Variants in UBE4B observed in about 807,000 individuals in gnomAD.
UBE4B encodes ubiquitin conjugation factor E4 B.
In UBE4B, 27 loss-of-function variants were observed where a neutral mutation model predicts 148.1. The ratio of observed to expected loss-of-function variants is 0.18; its 90% confidence interval spans 0.13 to 0.25. The LOEUF (loss-of-function observed/expected upper bound fraction) is 0.25. UBE4B is among the 10% of genes least tolerant of loss of function. UBE4B has a pLI of 1.00. For missense variants in UBE4B, 1,170 were observed against 1,662.4 expected (o/e 0.70, Z 5.15); for synonymous variants, 596 against 619.3 (o/e 0.96, Z 0.56).
intron 26 of UBE4B, 194 bp from the exon 27 acceptor site, chr1:10,179,222 A>G (rs780148278): frequency 9.5e-6 from 6 of 630,898 alleles, no homozygotes; most frequent in Non-Finnish European, 1.6e-5. Context: ...CTGACAAAGA[A>G]GCGCCTTCCC....
At chr1:10,035,109 C>G (rs1332716235) in intron 1 of UBE4B, among the ~76,000 whole-genome samples, 2 of 151,778 alleles carry the variant, frequency 1.3e-5, no homozygotes, top group Non-Finnish European at 2.9e-5. Flanking sequence ...CACCATTCTC[C>G]TGCCTCAGCC....
chr1:10,081,085 G>A (rs1235723650), intron 2 of UBE4B, among the ~76,000 whole-genome samples: 3 of 152,016 alleles, frequency 2.0e-5, no homozygotes, highest in Non-Finnish European at 1.5e-5. Flanking sequence ...TTATTGAGAC[G>A]AAGTTTCGCT....
chr1:10,033,469 G>T lies in UBE4B; in HGVS notation c.-202G>T. 1 of 443,164 alleles carries T rather than the reference G, an allele frequency of 2.3e-6. No homozygotes were observed. Among genetic ancestry groups the T allele is most frequent in the East Asian group, 3.6e-5 (1 of 27,816 alleles). The allele number at this position is 443,164 out of a possible 1,614,324, so 27.5% of individuals were successfully genotyped here. A position where few individuals can be genotyped will look rare whatever the true frequency, so the allele number is the denominator to read the frequency against. ...GAACAAGCGGCTGTAGTAGTCTGTG[G>T]GGCGACTGGAGTGACCGAAGCCAAG... On this transcript the variant is annotated 5_prime_UTR_variant, in exon 1 of 28. Transcript: ENST00000343090.
At chr1:10,176,455 C>A (rs529768219) in intron 25 of UBE4B, among the ~76,000 whole-genome samples, 1 of 152,318 alleles carries the variant, frequency 6.6e-6, no homozygotes, top group East Asian at 1.9e-4. Context: ...GACATTCCCA[C>A]TGGCAATGTA....
At chr1:10,154,004 C>A (rs1385874926) in intron 21 of UBE4B, among the ~76,000 whole-genome samples, 1 of 152,132 alleles carries the variant, frequency 6.6e-6, no homozygotes, top group Non-Finnish European at 1.5e-5. Context: ...ATCACTTGAA[C>A]CCGCGAGGCA....
chr1:10,167,356 T>A (rs1276295679), intron 23 of UBE4B, among the ~76,000 whole-genome samples: 1 of 151,358 alleles, frequency 6.6e-6, no homozygotes, highest in Non-Finnish European at 1.5e-5. Flanking sequence ...GAAGAATCAC[T>A]TGAACCTGGG....
rs527300422 is a variant in UBE4B at position 10,096,507 on chromosome 1, G to A, written c.347+911G>A. Among the ~76,000 whole-genome samples, 6 of 152,144 alleles carry A rather than the reference G, an allele frequency of 3.9e-5. No homozygotes were observed. In the South Asian group the frequency reaches 1.2e-3, roughly 32 times the overall value. On this transcript the variant is annotated intron_variant, in intron 3 of 27. Coordinates refer to ENST00000343090, the MANE Select transcript of UBE4B (RefSeq NM_001105562.3). Reference sequence around the variant, plus strand: ...AGCACTTTGGGAGGCCGAGGCAGGTGGATCACTTGAGGTCAGAAGTTCAAG... The same window carrying A: ...AGCACTTTGGGAGGCCGAGGCAGGTAGATCACTTGAGGTCAGAAGTTCAAG...
intron 2 of UBE4B, among the ~76,000 whole-genome samples, chr1:10,075,772 C>A (rs1644566458): frequency 6.6e-6 from 1 of 152,176 alleles, no homozygotes; most frequent in African/African-American, 2.4e-5. Context: ...TCTGTTCAGG[C>A]CAGGTGCAGT....
At chr1:10,078,960 G>C (rs1396175431) in intron 2 of UBE4B, among the ~76,000 whole-genome samples, 1 of 152,026 alleles carries the variant, frequency 6.6e-6, no homozygotes, top group African/African-American at 2.4e-5. Flanking sequence ...GAGACTACAG[G>C]TGCGCGCCAC....
chr1:10,069,051 C>G (rs1017014810), intron 1 of UBE4B, among the ~76,000 whole-genome samples: 5 of 152,216 alleles, frequency 3.3e-5, no homozygotes, highest in African/African-American at 1.2e-4. Flanking sequence ...CTTGATTCTT[C>G]AACCTTTTTT....
intron 25 of UBE4B, among the ~76,000 whole-genome samples, chr1:10,175,412 G>A (rs542417097): frequency 6.6e-6 from 1 of 152,168 alleles, no homozygotes; most frequent in East Asian, 1.9e-4. Flanking sequence ...AGCACTTTGG[G>A]AGGCCAAGGC....
At chr1:10,073,373 C>T (rs1644519965) in intron 2 of UBE4B, among the ~76,000 whole-genome samples, 1 of 152,202 alleles carries the variant, frequency 6.6e-6, no homozygotes, top group Admixed American at 6.5e-5. Flanking sequence ...TATAGAAAAA[C>T]TCAGAACCAT....
At chr1:10,064,084 C>T (rs746809069) in intron 1 of UBE4B, among the ~76,000 whole-genome samples, 1 of 152,168 alleles carries the variant, frequency 6.6e-6, no homozygotes, top group African/African-American at 2.4e-5. Context: ...TGTCCATACA[C>T]ACTCATTCTT....
At chr1:10,054,615 T>C (rs1229069669) in intron 1 of UBE4B, 2 of 262,866 alleles carry the variant, frequency 7.6e-6, no homozygotes, top group South Asian at 4.5e-5. Context: ...GTGCTCAATA[T>C]GCATATTAAT....
At chr1:10,129,283 A>G (rs892615031) in intron 11 of UBE4B, 109 bp from the exon 12 acceptor site, 3 of 972,506 alleles carry the variant, frequency 3.1e-6, no homozygotes, top group Non-Finnish European at 4.7e-6. Flanking sequence ...CATGTGTGCC[A>G]TTTTAGAGGG....
At chr1:10,159,284 T>C (rs867034114) in intron 22 of UBE4B, among the ~76,000 whole-genome samples, 4 of 152,218 alleles carry the variant, frequency 2.6e-5, no homozygotes, top group Non-Finnish European at 4.4e-5. Flanking sequence ...TGCTTAAACC[T>C]GGACATTAGT....
intron 1 of UBE4B, among the ~76,000 whole-genome samples, chr1:10,061,912 C>CTTTTTTT (rs767477329): frequency 4.3e-5 from 6 of 138,272 alleles, no homozygotes; most frequent in African/African-American, 5.3e-5. Context: ...CTTCTTTTTT[C>CTTTTTTT]TTTTTTTTTT....
At chr1:10,076,705 C>T (rs1028898877) in intron 2 of UBE4B, among the ~76,000 whole-genome samples, 4 of 150,672 alleles carry the variant, frequency 2.7e-5, no homozygotes, top group African/African-American at 9.8e-5. Context: ...GGGGGTCCTT[C>T]CACTTCCAGT....
Position 10,046,138 on chromosome 1 carries a change from G to A in UBE4B, c.24+12444G>A, listed in dbSNP as rs375822020. ...AGGTCATGTGCCTCTTCATGGCACA[G>A]CTTGAAAGTTGCACAGATCACTCCT... On this transcript the variant is annotated intron_variant, in intron 1 of 27. Transcript: ENST00000343090. Among the ~76,000 whole-genome samples the A allele has an allele frequency of 1.5e-3, 230 of 152,290 alleles. 1 individual carries two copies. The highest frequency in any genetic ancestry group is 4.8e-3 in the African/African-American group (201 of 41,560).
Sources: allele counts gnomAD v4.1 joint callset (sites outside exome capture counted in the v4.1 genomes callset), GRCh38; gene constraint gnomAD v4.1.1; transcripts MANE v1.5; gene names NCBI Gene and HGNC (gene_info 2026-07-23, HGNC 2026-07-21).